COL23A1: variants seen among roughly 807,000 people sequenced by gnomAD.
COL23A1 encodes collagen alpha-1(XXIII) chain.
In COL23A1, 97 loss-of-function variants were observed where a neutral mutation model predicts 99.3. That is an observed-to-expected ratio of 0.98 (90% CI 0.83 to 1.16). COL23A1 has a LOEUF of 1.16. COL23A1 is among the 50% of genes most tolerant of loss of function. COL23A1 has a pLI of 0.00. For missense variants in COL23A1, 762 were observed against 757.4 expected, an observed-to-expected ratio of 1.01 and a Z score of -0.07; for synonymous variants, 320 against 308.2, an observed-to-expected ratio of 1.04 and a Z score of -0.40.
At chr5:178,239,350 G>C (rs1764270804) in intron 27 of COL23A1, among the ~76,000 whole-genome samples, 171 bp from the exon 28 acceptor site, 1 of 151,924 alleles carries the variant, frequency 6.6e-6, no homozygotes, top group Admixed American at 6.5e-5. Flanking sequence ...CCAGGTAGTG[G>C]GGTCATGGGG....
At chr5:178,302,087 C>T (rs1284690923) in intron 3 of COL23A1, among the ~76,000 whole-genome samples, 2 of 143,016 alleles carry the variant, frequency 1.4e-5, no homozygotes, top group Non-Finnish European at 3.0e-5. Flanking sequence ...TCTGTGTGTG[C>T]CGGAGCACGG....
At chr5:178,250,040 G>A in intron 18 of COL23A1, 21 bp downstream of exon 18, 8 of 1,613,804 alleles carry the variant, frequency 5.0e-6, no homozygotes, top group Non-Finnish European at 6.8e-6. Flanking sequence ...GCATCACCAA[G>A]GAAATGAAAG....
At chr5:178,279,847 C>G (rs751831721) in intron 5 of COL23A1, among the ~76,000 whole-genome samples, 1 of 152,228 alleles carries the variant, frequency 6.6e-6, no homozygotes, top group Non-Finnish European at 1.5e-5. Flanking sequence ...GTGCCCCTGA[C>G]CCCCACCAGG....
At chr5:178,456,742 GA>G (rs35655486) in intron 2 of COL23A1, among the ~76,000 whole-genome samples, 47,644 of 151,032 alleles carry the variant, frequency 0.32, 7,765 homozygotes, top group Middle Eastern at 0.4. Context: ...AATTGTACTA[GA>G]AAAAAAAATG....
intron 2 of COL23A1, among the ~76,000 whole-genome samples, chr5:178,518,150 C>G (rs903349042): frequency 7.3e-6 from 1 of 137,756 alleles, no homozygotes; most frequent in African/African-American, 2.9e-5. Flanking sequence ...CATCTTGCAC[C>G]GCCCTTAATC....
At chr5:178,528,832 C>T in intron 2 of COL23A1, among the ~76,000 whole-genome samples, 1 of 152,160 alleles carries the variant, frequency 6.6e-6, no homozygotes, top group Non-Finnish European at 1.5e-5. Context: ...TGAGTCCATC[C>T]CTCAATGCTT....
intron 2 of COL23A1, among the ~76,000 whole-genome samples, chr5:178,361,064 T>C (rs1385373016): frequency 6.6e-6 from 1 of 152,240 alleles, no homozygotes; most frequent in Non-Finnish European, 1.5e-5. Flanking sequence ...CTGGAGCTGC[T>C]GTCAGGGTCT....
At chr5:178,529,518 C>T (rs1003049587) in intron 2 of COL23A1, among the ~76,000 whole-genome samples, 4 of 152,206 alleles carry the variant, frequency 2.6e-5, no homozygotes, top group East Asian at 1.9e-4. Context: ...GAAATCTACC[C>T]GTGGCCTTTC....
intron 2 of COL23A1, among the ~76,000 whole-genome samples, chr5:178,407,287 T>C (rs57070163): frequency 0.16 from 24,279 of 152,164 alleles, 2,137 homozygotes; most frequent in Middle Eastern, 0.22. Flanking sequence ...AAAGTTGGAC[T>C]TTCACCCTCC....
In COL23A1 at chr5:178,488,277, A is replaced by G. The variant is rs1436258539; in HGVS notation, c.361+72405T>C. Among the ~76,000 whole-genome samples, 12 of 152,294 alleles carry G rather than the reference A, an allele frequency of 7.9e-5. No individual in the cohort carries two copies. The East Asian group carries it at 2.1e-3, about 27-fold the overall frequency. On this transcript the variant is annotated intron_variant, in intron 2 of 28. Transcript: ENST00000390654. ...CATAAACCCAAGAAAAGCCTGCTAG[A>G]GATTTGCCCAGGAATAGCCCTCTCC...
chr5:178,306,741 A>AGG lies in COL23A1; in HGVS notation c.406+132_406+133dup, dbSNP rs1758378956. ...TCAGGAAACGGCAGCTGGACTTGGA[A>AGG]GGGGGAGGAGCACCTGCCCAGGACC... On this transcript the variant is annotated intron_variant, in intron 3 of 28. Transcript: ENST00000390654. This position sits in a 1 kb window ranked among gnomAD's most constrained non-coding sequence, Gnocchi z 4.1. 1 of 550,562 alleles carries AGG rather than the reference A, an allele frequency of 1.8e-6. No homozygotes were observed. The highest frequency in any genetic ancestry group is 3.5e-5 in the East Asian group (1 of 28,610). 34.1% of individuals were successfully genotyped at this position (550,562 alleles called of 1,614,324 possible). A position where few individuals can be genotyped will look rare whatever the true frequency, so the allele number is the denominator to read the frequency against.
rs1760496112 is a variant in COL23A1, at chr5:178,529,165, C to T, written c.361+31517G>A. On this transcript the variant is annotated intron_variant, in intron 2 of 28. Coordinates refer to ENST00000390654, the MANE Select transcript of COL23A1 (RefSeq NM_173465.4). Reference sequence around the variant, plus strand: ...CAAGGACTCTCTCCATGTGGCGTCTCTTCAGCCGACAGTCTAGCCCTGGGC... The same window carrying T: ...CAAGGACTCTCTCCATGTGGCGTCTTTTCAGCCGACAGTCTAGCCCTGGGC... Among the ~76,000 whole-genome samples, 3 of 152,348 alleles carry T rather than the reference C, an allele frequency of 2.0e-5. No individual in the cohort carries two copies. The South Asian group carries it at 6.2e-4, about 32-fold the overall frequency.
intron 10 of COL23A1, 66 bp downstream of exon 10, chr5:178,262,150 AG>A: frequency 7.3e-6 from 11 of 1,505,722 alleles, no homozygotes; most frequent in Non-Finnish European, 9.1e-6. Context: ...TGTGTGGGAA[AG>A]GGGCTTCCAG....
rs1017609389 is a variant in COL23A1 at position 178,585,847 on chromosome 5, G to A, written c.294+4057C>T. 3.9e-5 allele frequency among the ~76,000 whole-genome samples: 6 copies of A among 152,306 alleles called. No homozygotes were observed. The East Asian group carries it at 1.2e-3, about 29-fold the overall frequency. ...CGCCCAGCCTCAGGGGATGAGTCAA[G>A]ATTGGCCAAAGCCTCCTATGGCGAT... On this transcript the variant is annotated intron_variant, in intron 1 of 28. Transcript: ENST00000390654.
chr5:178,327,940 T>C (rs886840139), intron 2 of COL23A1, among the ~76,000 whole-genome samples: 2 of 152,208 alleles, frequency 1.3e-5, no homozygotes, highest in African/African-American at 4.8e-5. Context: ...CTGCTGTGTC[T>C]CAGCACCTCG....
chr5:178,451,756 C>A (rs73336699), intron 2 of COL23A1, among the ~76,000 whole-genome samples: 3,602 of 151,050 alleles, frequency 0.024, 170 homozygotes, highest in African/African-American at 0.083. Context: ...CATCCTATTT[C>A]TTTCACAGTC....
rs1764215368 is a variant in COL23A1 at position 178,238,248 on chromosome 5, G to A, written c.*450C>T. 6.4e-6 allele frequency: 1 copy of A among 156,618 alleles called. No individual in the cohort carries two copies. Among genetic ancestry groups the A allele is most frequent in the Admixed American group, 6.4e-5 (1 of 15,634 alleles). The allele number at this position is 156,618 out of a possible 1,614,324, so 9.7% of individuals were successfully genotyped here. On this transcript the variant is annotated 3_prime_UTR_variant, in exon 29 of 29. Transcript: ENST00000390654. Reference sequence around the variant, plus strand: ...AGGCAGCTGGTTGTGGTTGAGTTTGGAGGCTGATGAGGCCAGGAGCAACAG... The same window carrying A: ...AGGCAGCTGGTTGTGGTTGAGTTTGAAGGCTGATGAGGCCAGGAGCAACAG...
chr5:178,407,272 G>A (rs892754985), intron 2 of COL23A1, among the ~76,000 whole-genome samples: 3 of 152,234 alleles, frequency 2.0e-5, no homozygotes, highest in Non-Finnish European at 4.4e-5. Flanking sequence ...TGGAAGCTCA[G>A]TTGAAAAGTT....
At chr5:178,429,272 C>G (rs1284988933) in intron 2 of COL23A1, among the ~76,000 whole-genome samples, 1 of 152,140 alleles carries the variant, frequency 6.6e-6, no homozygotes, top group East Asian at 1.9e-4. Flanking sequence ...TACCTCAAGC[C>G]CAGCACCCCA....
Sources: allele counts gnomAD v4.1 joint callset (sites outside exome capture counted in the v4.1 genomes callset), GRCh38; gene constraint gnomAD v4.1.1; non-coding constraint Gnocchi (gnomAD v3.1); transcripts MANE v1.5; gene names NCBI Gene and HGNC (gene_info 2026-07-23, HGNC 2026-07-21).